C1GALT1: variants seen among roughly 807,000 people sequenced by gnomAD.
The protein encoded by C1GALT1 is glycoprotein-N-acetylgalactosamine 3-beta-galactosyltransferase 1.
Under a neutral mutation model 31.0 loss-of-function variants are expected in C1GALT1, and 11 were observed. That is an observed-to-expected ratio of 0.36 (90% CI 0.22 to 0.59). The LOEUF (loss-of-function observed/expected upper bound fraction) is 0.59. Among genes scored for constraint, C1GALT1 ranks in the 20% least tolerant of loss-of-function variants. The pLI is 0.79. For synonymous variants in C1GALT1, 175 were observed against 143.6 expected (o/e 1.22, Z -1.56); for missense variants, 424 against 425.2 (o/e 1.00, Z 0.03).
chr7:7,229,203 C>T (rs2128246386), intron 1 of C1GALT1, among the ~76,000 whole-genome samples: 1 of 152,282 alleles, frequency 6.6e-6, no homozygotes, highest in Admixed American at 6.5e-5. Context: ...AAAATACTGT[C>T]TTTGTTCTTT....
chr7:7,186,493 C>T (rs1156676454), intron 1 of C1GALT1, among the ~76,000 whole-genome samples: 2 of 152,214 alleles, frequency 1.3e-5, no homozygotes, highest in Admixed American at 6.5e-5. Context: ...GGCTCCATCC[C>T]AGAACTCTTT....
chr7:7,174,219 A>G (rs1321114933), intron 2 of C1GALT1, among the ~76,000 whole-genome samples: 5 of 152,186 alleles, frequency 3.3e-5, no homozygotes. Context: ...ATCTCCAAAT[A>G]CAGCCACACT....
intron 2 of C1GALT1, among the ~76,000 whole-genome samples, chr7:7,170,460 A>G (rs952629559): frequency 2.0e-5 from 3 of 152,168 alleles, no homozygotes; most frequent in Admixed American, 6.6e-5. Flanking sequence ...TGATGTTTTA[A>G]TATATGTGTT....
intron 1 of C1GALT1, among the ~76,000 whole-genome samples, chr7:7,220,044 A>T (rs576553634): frequency 6.6e-6 from 1 of 152,288 alleles, no homozygotes; most frequent in East Asian, 1.9e-4. Flanking sequence ...ATGTACAGGC[A>T]CTGCTCATGA....
At chr7:7,242,174 T>G (rs13245879) in intron 3 of C1GALT1, among the ~76,000 whole-genome samples, 13,975 of 151,170 alleles carry the variant, frequency 0.092, 722 homozygotes, top group East Asian at 0.17. Context: ...TAAAACAGTA[T>G]GATGAACTTT....
rs116629642 is a variant in C1GALT1, at chr7:7,212,832, A to G, written c.-17-21471A>G. Among the ~76,000 whole-genome samples the G allele has an allele frequency of 6.2e-3, 951 of 152,318 alleles. 12 individuals carry two copies. The highest frequency in any genetic ancestry group is 0.022 in the African/African-American group (910 of 41,560). On this transcript the variant is annotated intron_variant, in intron 1 of 3. Coordinates refer to ENST00000436587, the MANE Select transcript of C1GALT1 (RefSeq NM_020156.5). ...AGGAATGTTACAAAGTACATTCACA[A>G]GGACAGGGAATATCACAAAGTACAT...
intron 1 of C1GALT1, among the ~76,000 whole-genome samples, chr7:7,223,430 T>G (rs1782604638): frequency 6.6e-6 from 1 of 152,228 alleles, no homozygotes; most frequent in Non-Finnish European, 1.5e-5. Context: ...CCGAAAGTGC[T>G]AGGATTACAG....
chr7:7,242,571 C>CA (rs1343670420), intron 3 of C1GALT1, among the ~76,000 whole-genome samples: 2 of 152,038 alleles, frequency 1.3e-5, no homozygotes, highest in Non-Finnish European at 2.9e-5. Flanking sequence ...ACAAAGATGT[C>CA]AGATGGAGCC....
At chr7:7,227,693 C>G (rs1457421340) in intron 1 of C1GALT1, among the ~76,000 whole-genome samples, 4 of 145,454 alleles carry the variant, frequency 2.8e-5, no homozygotes, top group East Asian at 2.0e-4. Context: ...GCACTCCAGC[C>G]TGGGCAACAG....
intron 1 of C1GALT1, among the ~76,000 whole-genome samples, chr7:7,194,902 A>G (rs535071368): frequency 1.3e-5 from 2 of 152,020 alleles, no homozygotes; most frequent in African/African-American, 4.8e-5. Context: ...TTAATCTAGG[A>G]GGGTTGTATG....
intron 1 of C1GALT1, among the ~76,000 whole-genome samples, chr7:7,214,597 T>G (rs972034580): frequency 6.6e-6 from 1 of 152,158 alleles, no homozygotes; most frequent in Non-Finnish European, 1.5e-5. Flanking sequence ...ACCTCACAGG[T>G]GAAACCAACA....
chr7:7,205,162 C>G (rs1781684506), intron 1 of C1GALT1, among the ~76,000 whole-genome samples: 1 of 151,742 alleles, frequency 6.6e-6, no homozygotes, highest in Non-Finnish European at 1.5e-5. Context: ...ATTTTTTTCA[C>G]CTTTGGTTCG....
chr7:7,234,455 C>T lies in C1GALT1; in HGVS notation c.136C>T (p.Pro46Ser). ...DTQPNVLHND[P>S]HARHSDDNGQ... ...CCAGCCTAATGTTCTTCATAATGAT[C>T]CTCATGCAAGGCATTCAGATGATAA... Residue 46 changes from proline to serine, a missense_variant, in exon 2 of 4, where the codon CCT (proline) becomes TCT (serine). Pro to Ser is a moderately conservative substitution (Grantham distance 74). Around this residue, in one of 3 missense-constraint regions of C1GALT1, gnomAD observed 189 missense variants for 158.2 expected, o/e 1.19. Coordinates refer to ENST00000436587, the MANE Select transcript of C1GALT1 (RefSeq NM_020156.5). 6.2e-7 allele frequency: 1 copy of T among 1,613,916 alleles called. No individual in the cohort carries two copies. Among genetic ancestry groups the T allele is most frequent in the Non-Finnish European group, 8.5e-7 (1 of 1,179,904 alleles).
At chr7:7,197,158 G>T (rs1781327421) in intron 1 of C1GALT1, among the ~76,000 whole-genome samples, 3 of 152,086 alleles carry the variant, frequency 2.0e-5, no homozygotes, top group African/African-American at 7.2e-5. Flanking sequence ...TTTCTTACAG[G>T]GTTTTTCTGG....
At chr7:7,234,205 A>AG (rs1204618723) in intron 1 of C1GALT1, 98 bp from the exon 2 acceptor site, 1 of 857,440 alleles carries the variant, frequency 1.2e-6, no homozygotes, top group African/African-American at 1.7e-5. Context: ...ACTGTTAGAA[A>AG]TTAACTTTCC....
chr7:7,215,655 T>C (rs1021804160), intron 1 of C1GALT1, among the ~76,000 whole-genome samples: 1 of 152,148 alleles, frequency 6.6e-6, no homozygotes, highest in Admixed American at 6.5e-5. Flanking sequence ...TTGGGAATAG[T>C]GTTTCCTCTA....
chr7:7,161,228 G>A (rs948892312), intron 2 of C1GALT1, among the ~76,000 whole-genome samples: 4 of 151,992 alleles, frequency 2.6e-5, no homozygotes, highest in African/African-American at 4.8e-5. Flanking sequence ...TCTCAGAAAC[G>A]TTTGCTTCTA....
At chr7:7,220,362 A>G (rs947574797) in intron 1 of C1GALT1, among the ~76,000 whole-genome samples, 7 of 152,190 alleles carry the variant, frequency 4.6e-5, no homozygotes, top group Admixed American at 1.3e-4. Context: ...TTGTAATTCA[A>G]ATATACAGGT....
Position 7,238,839 on chromosome 7 carries a change from T to G in C1GALT1, c.805T>G (p.Phe269Val). The G allele has an allele frequency of 1.2e-6, 2 of 1,613,918 alleles. No individual in the cohort carries two copies. Among genetic ancestry groups the G allele is most frequent in the Non-Finnish European group, 8.5e-7 (1 of 1,179,886 alleles). ...DTIGKETFHP[F>V]VPEHHLIKGY... ...CATTGGAAAAGAAACTTTTCATCCC[T>G]TTGTGCCAGAACACCATTTAATTAA... Residue 269 changes from phenylalanine to valine, a missense_variant, in exon 3 of 4, where the codon TTT becomes GTT. By Grantham distance (50) the Phe-to-Val change is conservative. This residue lies in a region of C1GALT1 where 191 missense variants were observed against 188.8 expected (regional missense o/e 1.01). Transcript: ENST00000436587. The surrounding 1 kb of genome is among the most constrained non-coding windows in gnomAD (Gnocchi z 5.2).
Sources: gnomAD v4.1 joint callset for allele counts (sites outside exome capture counted in the v4.1 genomes callset) on GRCh38, gnomAD v4.1.1 for gene constraint, gnomAD v4.1.1 regional missense constraint, Gnocchi (gnomAD v3.1) non-coding constraint, MANE v1.5 for transcripts, NCBI Gene and HGNC (gene_info 2026-07-23, HGNC 2026-07-21) for gene names.